The following FBLN7 variants were observed in gnomAD, a reference collection of about 807,000 sequenced individuals.
FBLN7 encodes the protein fibulin 7.
A neutral mutation model predicts 44.0 loss-of-function variants in FBLN7; 31 were observed. The ratio of observed to expected loss-of-function variants is 0.70; its 90% CI spans 0.53 to 0.95. The LOEUF is 0.95. Among genes scored for constraint, FBLN7 ranks in the 40% least tolerant of loss-of-function variants. FBLN7 has a pLI of 0.00. For synonymous variants in FBLN7, 262 were observed against 253.4 expected, an observed-to-expected ratio of 1.03 and a Z score of -0.32; for missense variants, 573 against 618.5, an observed-to-expected ratio of 0.93 and a Z score of 0.78.
At chr2:112,183,013 G>C (rs899598810) in intron 6 of FBLN7, 85 bp downstream of exon 6, 27 of 1,517,436 alleles carry the variant, frequency 1.8e-5, no homozygotes, top group African/African-American at 2.8e-5. Context: ...GGAGTGAGGT[G>C]GTTAGGAGAG....
intron 2 of FBLN7, among the ~76,000 whole-genome samples, chr2:112,160,135 C>T (rs368606527): frequency 1.3e-3 from 200 of 152,228 alleles, no homozygotes; most frequent in African/African-American, 4.1e-3. Flanking sequence ...GGACTACAGG[C>T]GCCCGCCACC....
chr2:112,195,755 C>T, the FBLN7 span, among the ~76,000 whole-genome samples: 1 of 152,228 alleles, frequency 6.6e-6, no homozygotes, highest in Admixed American at 6.5e-5. Flanking sequence ...CTGCTGGCAT[C>T]CCAGCTCCAC....
At chr2:112,189,329 C>T (rs1028077756), downstream of FBLN7, 6 of 152,238 alleles carry the variant, frequency 3.9e-5, no homozygotes, top group Admixed American at 1.3e-4. Context: ...CACCCAGCCC[C>T]GGTGCCCACA....
At chr2:112,150,016 C>T (rs1265764454) in intron 1 of FBLN7, among the ~76,000 whole-genome samples, 1 of 152,160 alleles carries the variant, frequency 6.6e-6, no homozygotes, top group African/African-American at 2.4e-5. Context: ...CATCAAAGAC[C>T]AGAGGCATGG....
At chr2:112,233,536 CT>C in the FBLN7 span, among the ~76,000 whole-genome samples, 1 of 149,088 alleles carries the variant, frequency 6.7e-6, no homozygotes, top group Non-Finnish European at 1.5e-5. Context: ...TCACATATAT[CT>C]GCTTAAAATC....
chr2:112,229,774 T>A, the FBLN7 span, among the ~76,000 whole-genome samples: 8 of 151,876 alleles, frequency 5.3e-5, no homozygotes, highest in African/African-American at 1.9e-4. Context: ...CAATTCCCAA[T>A]GGATTAAAAT....
At chr2:112,205,844 A>G in the FBLN7 span, among the ~76,000 whole-genome samples, 3 of 152,216 alleles carry the variant, frequency 2.0e-5, no homozygotes, top group African/African-American at 7.2e-5. Flanking sequence ...GAGCTTGTCT[A>G]TACGTACAAA....
chr2:112,226,343 C>T, the FBLN7 span, among the ~76,000 whole-genome samples: 1 of 151,806 alleles, frequency 6.6e-6, no homozygotes, highest in African/African-American at 2.4e-5. Context: ...AATCCCAGCA[C>T]TTTGGGAGGC....
intron 6 of FBLN7, among the ~76,000 whole-genome samples, chr2:112,183,382 G>A (rs1683100863): frequency 1.3e-5 from 2 of 152,182 alleles, no homozygotes; most frequent in South Asian, 2.1e-4. Flanking sequence ...GAGGTCGGGC[G>A]CTACAGCACC....
chr2:112,234,282 T>A, the FBLN7 span: 1 of 1,370,628 alleles, frequency 7.3e-7, no homozygotes, highest in Non-Finnish European at 1.0e-6. Flanking sequence ...AACAGAAAAT[T>A]AAATATTTTA....
chr2:112,224,695 A>G, the FBLN7 span, among the ~76,000 whole-genome samples: 1 of 152,238 alleles, frequency 6.6e-6, no homozygotes, highest in Non-Finnish European at 1.5e-5. Context: ...GCTTGAAAAC[A>G]CCATACTGAG....
chr2:112,154,592 G>A (rs1382423285), intron 1 of FBLN7, among the ~76,000 whole-genome samples: 1 of 152,194 alleles, frequency 6.6e-6, no homozygotes, highest in East Asian at 1.9e-4. Flanking sequence ...CCCTGAGATG[G>A]GAAAGCCTCA....
the FBLN7 span, chr2:112,238,276 C>A: frequency 6.3e-7 from 1 of 1,591,122 alleles, no homozygotes; most frequent in Non-Finnish European, 8.6e-7. Context: ...GACTGCTTCT[C>A]TAGATAAACT....
the FBLN7 span, among the ~76,000 whole-genome samples, chr2:112,238,827 C>T: frequency 6.6e-6 from 1 of 152,196 alleles, no homozygotes; most frequent in East Asian, 1.9e-4. Context: ...AATTAAAAGT[C>T]TAAACCCCTA....
intron 1 of FBLN7, among the ~76,000 whole-genome samples, chr2:112,147,075 T>G (rs1346122035): frequency 1.3e-5 from 2 of 152,222 alleles, no homozygotes; most frequent in African/African-American, 4.8e-5. Flanking sequence ...TTCTTTAGTC[T>G]GTTAATAAGG....
At chr2:112,175,332 G>T (rs1682683971) in intron 3 of FBLN7, among the ~76,000 whole-genome samples, 1 of 152,240 alleles carries the variant, frequency 6.6e-6, no homozygotes. Context: ...TGACTCAAAG[G>T]CAATGTGGGC....
downstream of FBLN7, chr2:112,189,089 T>C (rs1176817298): frequency 6.6e-6 from 1 of 152,124 alleles, no homozygotes; most frequent in African/African-American, 2.4e-5. Flanking sequence ...ATGTGAGATA[T>C]GATGACATAT....
At chr2:112,203,049 CAAA>C in the FBLN7 span, among the ~76,000 whole-genome samples, 1 of 151,884 alleles carries the variant, frequency 6.6e-6, no homozygotes, top group African/African-American at 2.4e-5. Context: ...AACAAACAAA[CAAA>C]AAAACAAAAA....
intron 1 of FBLN7, among the ~76,000 whole-genome samples, chr2:112,144,693 AT>A (rs1189298513): frequency 3.3e-5 from 5 of 151,656 alleles, no homozygotes; most frequent in Non-Finnish European, 7.4e-5. Context: ...CGCCCAGCTA[AT>A]TTTTGTATTT....
Sources: gnomAD v4.1 joint callset for allele counts (sites outside exome capture counted in the v4.1 genomes callset) on GRCh38, gnomAD v4.1.1 for gene constraint, MANE v1.5 for transcripts, NCBI Gene and HGNC (gene_info 2026-07-23, HGNC 2026-07-21) for gene names.